The following ASIC1 variants were observed in gnomAD, a reference collection of about 807,000 sequenced individuals.
ASIC1 encodes the protein acid-sensing ion channel 1.
A neutral mutation model predicts 63.4 loss-of-function variants in ASIC1; 21 were observed. The observed-to-expected ratio is 0.33, with a 90% CI of 0.23 to 0.48. The LOEUF (loss-of-function observed/expected upper bound fraction) is 0.48, where lower values mean the gene tolerates loss of function less well. ASIC1 is among the 20% of genes least tolerant of loss of function. The pLI is 0.99. For missense variants in ASIC1, 478 were observed against 695.5 expected, an observed-to-expected ratio of 0.69 and a Z score of 3.52; for synonymous variants, 258 against 278.2, an observed-to-expected ratio of 0.93 and a Z score of 0.72.
At chr12:50,064,841 G>A (rs1041181893) in intron 3 of ASIC1, among the ~76,000 whole-genome samples, 14 of 152,206 alleles carry the variant, frequency 9.2e-5, no homozygotes, top group African/African-American at 2.7e-4. Flanking sequence ...TTAGGGGAGC[G>A]TTAAGCTCCA....
rs1408335376 is a variant in ASIC1, at chr12:50,071,289, C to T, written c.559-5924C>T. Reference sequence around the variant, plus strand: ...AGCTTTTTTTTTTTTTTTTTTGAGACGGAGTCTTGCTCTGTCCCCCAGGCT... The same window carrying T: ...AGCTTTTTTTTTTTTTTTTTTGAGATGGAGTCTTGCTCTGTCCCCCAGGCT... On this transcript the variant is annotated intron_variant, in intron 3 of 11. Transcript: ENST00000447966. Among the ~76,000 whole-genome samples, 15 of 119,976 alleles carry T rather than the reference C, an allele frequency of 1.3e-4. No individual in the cohort carries two copies. In the East Asian group the frequency reaches 2.8e-3, roughly 23 times the overall value. The allele number at this position is 119,976 out of a possible 152,430, so 78.7% of individuals were successfully genotyped here.
In ASIC1 at chr12:50,059,642, T is replaced by G; in HGVS notation, c.363-117T>G. 9.2e-7 allele frequency: 1 copy of G among 1,084,536 alleles called. No individual in the cohort carries two copies. The highest frequency in any genetic ancestry group is 1.6e-5 in the African/African-American group (1 of 63,608). The allele number at this position is 1,084,536 out of a possible 1,614,324, so 67.2% of individuals were successfully genotyped here. ...AGAGCCTCTGCATGCCCAGCTCTCC[T>G]TCCTTGCCTACACCTGGGACTGATC... On this transcript the variant is annotated intron_variant, in intron 2 of 11. Coordinates refer to ENST00000447966, the MANE Select transcript of ASIC1 (RefSeq NM_001095.4). This position sits in a 1 kb window ranked among gnomAD's most constrained non-coding sequence, Gnocchi z 4.6.
At chr12:50,080,393 A>C (rs2137849968) in intron 8 of ASIC1, 105 bp from the exon 9 acceptor site, 1 of 1,078,312 alleles carries the variant, frequency 9.3e-7, no homozygotes, top group East Asian at 2.5e-5. Flanking sequence ...CATTTTATGG[A>C]TATGGAAACT....
chr12:50,064,230 C>T (rs1483703240), intron 3 of ASIC1, among the ~76,000 whole-genome samples: 1 of 148,912 alleles, frequency 6.7e-6, no homozygotes, highest in Non-Finnish European at 1.5e-5. Flanking sequence ...TTATCCTTCT[C>T]ATCTGTCCCT....
intron 3 of ASIC1, chr12:50,076,778 C>T (rs1390618956): frequency 2.8e-6 from 1 of 363,408 alleles, no homozygotes; most frequent in African/African-American, 2.1e-5. Flanking sequence ...ATCGTTATCA[C>T]TTCTAGGCTG....
At chr12:50,076,542 A>G (rs1950656734) in intron 3 of ASIC1, among the ~76,000 whole-genome samples, 1 of 152,028 alleles carries the variant, frequency 6.6e-6, no homozygotes, top group African/African-American at 2.4e-5. Context: ...GGAGAAGAGA[A>G]GATATGTCTT....
chr12:50,080,259 C>A, intron 8 of ASIC1: 1 of 777,670 alleles, frequency 1.3e-6, no homozygotes, highest in Non-Finnish European at 2.0e-6. Context: ...TCTCCTCCTT[C>A]TTCATCCTCA....
At chr12:50,080,089 G>A (rs1592280128) in intron 8 of ASIC1, 34 bp downstream of exon 8, 2 of 1,577,708 alleles carry the variant, frequency 1.3e-6, no homozygotes, top group Non-Finnish European at 1.7e-6. Flanking sequence ...CAAGGCCCTT[G>A]GGTTGGGACT....
In ASIC1 at chr12:50,081,178, C is replaced by T. The variant is rs753644709; in HGVS notation, c.1374C>T (p.Tyr458=). The T allele has an allele frequency of 1.4e-5, 23 of 1,611,404 alleles. No individual in the cohort carries two copies. The highest frequency in any genetic ancestry group is 1.8e-5 in the Non-Finnish European group (21 of 1,179,006). ...LTVLELFDYA[Y]EVIKHKLCRR... ...TGCTGGAGCTCTTTGACTACGCCTA[C>T]GAGGTAAGCGGGGGCGAGGCCCGGC... The change falls in exon 10 of 12, where the codon TAC becomes TAT. Residue 458 remains tyrosine (Y), a synonymous_variant. Coordinates refer to ENST00000447966, the MANE Select transcript of ASIC1 (RefSeq NM_001095.4).
At chr12:50,069,662 C>T (rs1270794302) in intron 3 of ASIC1, among the ~76,000 whole-genome samples, 1 of 152,168 alleles carries the variant, frequency 6.6e-6, no homozygotes, top group Non-Finnish European at 1.5e-5. Context: ...ATTCCCCAGT[C>T]TGGGGCAAGT....
At chr12:50,077,967 C>T in intron 4 of ASIC1, 33 bp from the exon 5 acceptor site, 1 of 1,585,468 alleles carries the variant, frequency 6.3e-7, no homozygotes. Context: ...GAGTCAGGAG[C>T]CCTCCCAACC....
chr12:50,082,615 C>G lies in ASIC1; in HGVS notation c.*966C>G, dbSNP rs966910345. On this transcript the variant is annotated 3_prime_UTR_variant, in exon 12 of 12. Coordinates refer to ENST00000447966, the MANE Select transcript of ASIC1 (RefSeq NM_001095.4). ...CTTTCCCAGCCCTGTCTGTCTCCACCCCATCCCCTCTTGTCTCTGAGAACC... is the reference window on the plus strand; with the variant it reads ...CTTTCCCAGCCCTGTCTGTCTCCACGCCATCCCCTCTTGTCTCTGAGAACC... 2.0e-5 allele frequency: 3 copies of G among 152,620 alleles called. No individual in the cohort carries two copies. The highest frequency in any genetic ancestry group is 4.4e-5 in the Non-Finnish European group (3 of 68,068). The allele number at this position is 152,620 out of a possible 1,614,324, so 9.5% of individuals were successfully genotyped here.
chr12:50,068,683 T>TGTGCAGA (rs1950569326), intron 3 of ASIC1, among the ~76,000 whole-genome samples: 1 of 151,516 alleles, frequency 6.6e-6, no homozygotes, highest in Non-Finnish European at 1.5e-5. Context: ...GTCATCATCT[T>TGTGCAGA]ACCTCCCAAA....
Position 50,074,296 on chromosome 12 carries a change from T to C in ASIC1, c.559-2917T>C. The C allele has an allele frequency of 1.4e-6, 2 of 1,431,278 alleles. No homozygotes were observed. Among genetic ancestry groups the C allele is most frequent in the Non-Finnish European group, 1.8e-6 (2 of 1,095,342 alleles). 88.7% of individuals were successfully genotyped at this position (1,431,278 alleles called of 1,614,324 possible). A position where few individuals can be genotyped will look rare whatever the true frequency, so the allele number is the denominator to read the frequency against. Reference sequence around the variant, plus strand: ...GTACCCCAAGAGTGTCTGCCATGGCTGTCCCTGACTGTCACCTCCTGGGGT... The same window carrying C: ...GTACCCCAAGAGTGTCTGCCATGGCCGTCCCTGACTGTCACCTCCTGGGGT... On this transcript the variant is annotated intron_variant, in intron 3 of 11. Transcript: ENST00000447966. This position sits in a 1 kb window ranked among gnomAD's most constrained non-coding sequence, Gnocchi z 4.2.
chr12:50,080,859 G>T, intron 9 of ASIC1: 2 of 880,472 alleles, frequency 2.3e-6, no homozygotes, highest in East Asian at 5.3e-5. Context: ...AACTAAGAGG[G>T]TTGTGGTATT....
chr12:50,073,471 G>A (rs1950619126), intron 3 of ASIC1: 1 of 1,427,566 alleles, frequency 7.0e-7, no homozygotes, highest in Admixed American at 2.9e-5. Flanking sequence ...ATACCTGGCT[G>A]ACGGGCTGGG....
At position 50,081,291 on chromosome 12, in the gene ASIC1, A is replaced by G. The variant is rs1950714521; in HGVS notation, c.1409A>G (p.Lys470Arg). ...AAGCACAAGCTGTGCCGACGAGGAA[A>G]ATGCCAGAAGGAGGCCAAAAGGAGC... ...VIKHKLCRRG[K>R]CQKEAKRSSA... is the part of the protein sequence containing the mutation. Residue 470 changes from lysine (K) to arginine (R), a missense_variant, in exon 11 of 12, where the codon AAA (lysine) becomes AGA (arginine). By Grantham distance (26) the Lys-to-Arg change is conservative. This residue lies in a region of ASIC1 where 104 missense variants were observed against 97.0 expected (regional missense o/e 1.07). Coordinates refer to ENST00000447966, the MANE Select transcript of ASIC1 (RefSeq NM_001095.4). The G allele has an allele frequency of 3.1e-6, 5 of 1,610,516 alleles. No individual in the cohort carries two copies. Among genetic ancestry groups the G allele is most frequent in the Non-Finnish European group, 3.4e-6 (4 of 1,178,546 alleles).
rs1382777843 is a variant in ASIC1 at position 50,078,160 on chromosome 12, G to A, written c.837+33G>A. ...GGCCATGGGAGGCTGGTCCTGGGGTGGGGTATTGAGGGGTCCAGATGGAGT... is the reference window on the plus strand; with the variant it reads ...GGCCATGGGAGGCTGGTCCTGGGGTAGGGTATTGAGGGGTCCAGATGGAGT... On this transcript the variant is annotated intron_variant, in intron 5 of 11. Transcript: ENST00000447966. The surrounding 1 kb of genome is among the most constrained non-coding windows in gnomAD (Gnocchi z 6.0). 3.8e-6 allele frequency: 6 copies of A among 1,596,028 alleles called. No homozygotes were observed. The highest frequency in any genetic ancestry group is 5.1e-6 in the Non-Finnish European group (6 of 1,172,166).
intron 3 of ASIC1, among the ~76,000 whole-genome samples, chr12:50,069,783 G>A (rs967210146): frequency 2.0e-5 from 3 of 151,600 alleles, no homozygotes; most frequent in Non-Finnish European, 2.9e-5. Flanking sequence ...TTCCCTGTTC[G>A]ACAGTAAGCT....
Sources: gnomAD v4.1 joint callset for allele counts (sites outside exome capture counted in the v4.1 genomes callset) on GRCh38, gnomAD v4.1.1 for gene constraint, gnomAD v4.1.1 regional missense constraint, Gnocchi (gnomAD v3.1) non-coding constraint, MANE v1.5 for transcripts, NCBI Gene and HGNC (gene_info 2026-07-23, HGNC 2026-07-21) for gene names.